The following PDE3B variants were observed in gnomAD, a reference collection of about 807,000 sequenced individuals.
PDE3B encodes cGMP-inhibited 3',5'-cyclic phosphodiesterase 3B.
PDE3B carries 66 observed loss-of-function variants against 116.8 expected under a neutral mutation model. That is an observed-to-expected ratio of 0.56 (90% CI 0.46 to 0.69). The LOEUF (loss-of-function observed/expected upper bound fraction) is 0.69, where lower values mean the gene tolerates loss of function less well. Among genes scored for constraint, PDE3B ranks in the 30% least tolerant of loss-of-function variants. The pLI is 0.00. For missense variants in PDE3B, 1,384 were observed against 1,368.1 expected (o/e 1.01, Z -0.18); for synonymous variants, 595 against 533.6 (o/e 1.12, Z -1.59).
intron 1 of PDE3B, among the ~76,000 whole-genome samples, chr11:14,661,274 G>A (rs1206053101): frequency 6.6e-6 from 1 of 152,230 alleles, no homozygotes; most frequent in Non-Finnish European, 1.5e-5. Context: ...CAAGCCAAAT[G>A]TCCAACAATG....
At chr11:14,667,832 G>GTAT (rs1271219156) in intron 1 of PDE3B, among the ~76,000 whole-genome samples, 2 of 97,218 alleles carry the variant, frequency 2.1e-5, no homozygotes, top group Non-Finnish European at 4.2e-5. Context: ...AAAACTTAAA[G>GTAT]TATAATAATA....
At chr11:14,736,057 CTAGTTTT>C (rs1293911063) in intron 1 of PDE3B, among the ~76,000 whole-genome samples, 2 of 151,106 alleles carry the variant, frequency 1.3e-5, no homozygotes, top group Non-Finnish European at 2.9e-5. Context: ...GACAAGTAAT[CTAGTTTT>C]ACCTGTGCTC....
rs192537610 is a variant in PDE3B, at chr11:14,811,502, C to T, written c.1523-6681C>T. Among the ~76,000 whole-genome samples the T allele has an allele frequency of 5.0e-3, 754 of 152,078 alleles. 7 individuals carry two copies. The highest frequency in any genetic ancestry group is 0.018 in the African/African-American group (736 of 41,526). On this transcript the variant is annotated intron_variant, in intron 5 of 15. Coordinates refer to ENST00000282096, the MANE Select transcript of PDE3B (RefSeq NM_000922.4). ...AGATATGCGGCGTGATTTCTGAGGG[C>T]TCTGTTTTGGTACCAGTACCATGCT... is the stretch of plus-strand genomic sequence containing the variant.
chr11:14,837,980 T>C (rs1264666650), intron 11 of PDE3B, among the ~76,000 whole-genome samples: 1 of 151,920 alleles, frequency 6.6e-6, no homozygotes, highest in Non-Finnish European at 1.5e-5. Flanking sequence ...TAATTTATTT[T>C]ATTTTATTTT....
chr11:14,854,642 G>A (rs570152249), intron 12 of PDE3B, among the ~76,000 whole-genome samples: 4 of 151,868 alleles, frequency 2.6e-5, no homozygotes, highest in African/African-American at 9.7e-5. Context: ...TTCAGCTTCC[G>A]AGTAGCTGAG....
intron 1 of PDE3B, among the ~76,000 whole-genome samples, chr11:14,748,289 A>G (rs993467190): frequency 2.0e-5 from 3 of 152,174 alleles, no homozygotes; most frequent in Admixed American, 6.5e-5. Context: ...GTAGCTGTTT[A>G]TGTTTCAGAT....
intron 4 of PDE3B, among the ~76,000 whole-genome samples, chr11:14,792,651 A>G (rs1858425146): frequency 6.6e-6 from 1 of 152,174 alleles, no homozygotes; most frequent in Admixed American, 6.5e-5. Flanking sequence ...CTAATTAAGG[A>G]GGCCATTCCT....
At chr11:14,697,143 G>C (rs1294077470) in intron 1 of PDE3B, among the ~76,000 whole-genome samples, 1 of 151,960 alleles carries the variant, frequency 6.6e-6, no homozygotes, top group Non-Finnish European at 1.5e-5. Flanking sequence ...TTACCATGTT[G>C]CCCAGCCTGG....
At chr11:14,853,373 A>ATTT (rs1555005598) in intron 12 of PDE3B, among the ~76,000 whole-genome samples, 4 of 152,322 alleles carry the variant, frequency 2.6e-5, no homozygotes, top group Admixed American at 1.3e-4. Flanking sequence ...GACATACAAA[A>ATTT]AGCATTTAGT....
At chr11:14,816,472 C>G (rs1225747192) in intron 5 of PDE3B, among the ~76,000 whole-genome samples, 4 of 152,046 alleles carry the variant, frequency 2.6e-5, no homozygotes, top group Non-Finnish European at 1.5e-5. Flanking sequence ...CCAGATATAC[C>G]CACACTGCTT....
chr11:14,891,511 A>G, the PDE3B span: 1 of 994,430 alleles, frequency 1.0e-6, no homozygotes, highest in Admixed American at 5.9e-5. Context: ...TCGTTCGTCG[A>G]CTGCAGACAC....
chr11:14,760,561 A>G (rs139477072), intron 1 of PDE3B, among the ~76,000 whole-genome samples: 2 of 152,334 alleles, frequency 1.3e-5, no homozygotes, highest in East Asian at 3.9e-4. Context: ...CCATCAGCAT[A>G]CCAAAAAGAC....
chr11:14,762,792 A>G (rs1012579723), intron 1 of PDE3B, among the ~76,000 whole-genome samples: 25 of 152,230 alleles, frequency 1.6e-4, no homozygotes, highest in Non-Finnish European at 1.5e-4. Flanking sequence ...GAAAGTAGAG[A>G]TAACAGGATT....
intron 12 of PDE3B, among the ~76,000 whole-genome samples, chr11:14,846,437 A>C (rs1256920804): frequency 2.0e-5 from 3 of 152,226 alleles, no homozygotes; most frequent in Non-Finnish European, 4.4e-5. Flanking sequence ...TCAACTAATG[A>C]GCAAAATAAC....
At chr11:14,758,979 G>T (rs1035924832) in intron 1 of PDE3B, among the ~76,000 whole-genome samples, 1 of 151,908 alleles carries the variant, frequency 6.6e-6, no homozygotes, top group Non-Finnish European at 1.5e-5. Context: ...TAGCATGAAG[G>T]GTTGTTGAAT....
At chr11:14,762,024 C>G (rs1857372726) in intron 1 of PDE3B, among the ~76,000 whole-genome samples, 1 of 152,054 alleles carries the variant, frequency 6.6e-6, no homozygotes. Context: ...AAAGACAAGT[C>G]AGCTGGGTGT....
intron 1 of PDE3B, among the ~76,000 whole-genome samples, chr11:14,735,741 T>C (rs998725528): frequency 2.6e-5 from 4 of 152,092 alleles, no homozygotes; most frequent in African/African-American, 4.8e-5. Context: ...TCGAAAAAAG[T>C]TTAACTGGCC....
the PDE3B span, chr11:14,879,238 TG>T: frequency 1.2e-6 from 2 of 1,613,208 alleles, no homozygotes. Flanking sequence ...AATAAAGATT[TG>T]TAATTACTGT....
intron 4 of PDE3B, among the ~76,000 whole-genome samples, chr11:14,792,957 C>G (rs1415073893): frequency 6.6e-6 from 1 of 152,160 alleles, no homozygotes; most frequent in African/African-American, 2.4e-5. Flanking sequence ...GACTTTATGT[C>G]AGCCATTACT....
Sources: gnomAD v4.1 joint callset for allele counts (sites outside exome capture counted in the v4.1 genomes callset) on GRCh38, gnomAD v4.1.1 for gene constraint, MANE v1.5 for transcripts, NCBI Gene and HGNC (gene_info 2026-07-23, HGNC 2026-07-21) for gene names.